The following NEXN variants were observed in gnomAD, a reference collection of about 807,000 sequenced individuals.
NEXN encodes nexilin.
NEXN carries 65 observed loss-of-function variants against 92.6 expected under a neutral mutation model. That is an observed-to-expected ratio of 0.70 (90% CI 0.57 to 0.86). The LOEUF (loss-of-function observed/expected upper bound fraction) is 0.86, where lower values mean the gene tolerates loss of function less well. Among genes scored for constraint, NEXN ranks in the 40% least tolerant of loss-of-function variants. The pLI is 0.00. For missense variants in NEXN, 778 were observed against 771.1 expected (o/e 1.01, Z -0.11); for synonymous variants, 254 against 242.5 (o/e 1.05, Z -0.44).
intron 9 of NEXN, chr1:77,931,629 T>C (rs1030974347): frequency 6.6e-5 from 10 of 152,286 alleles, no homozygotes; most frequent in African/African-American, 2.4e-4. Context: ...TCCTCTTACA[T>C]TTATATTGTT....
chr1:77,927,863 T>A (rs2102128666), intron 8 of NEXN, among the ~76,000 whole-genome samples: 1 of 152,176 alleles, frequency 6.6e-6, no homozygotes, highest in African/African-American at 2.4e-5. Context: ...TCTTAAATGG[T>A]TAAACAAGTT....
At chr1:77,891,437 G>A (rs1186503628) in intron 1 of NEXN, among the ~76,000 whole-genome samples, 1 of 152,070 alleles carries the variant, frequency 6.6e-6, no homozygotes, top group Non-Finnish European at 1.5e-5. Flanking sequence ...CTCAACAGGT[G>A]ATTCTTTTTC....
chr1:77,926,717 A>T lies in NEXN; in HGVS notation c.689A>T (p.Asp230Val). 6.2e-7 allele frequency: 1 copy of T among 1,613,898 alleles called. No individual in the cohort carries two copies. Among genetic ancestry groups the T allele is most frequent in the Non-Finnish European group, 8.5e-7 (1 of 1,179,942 alleles). The change falls in exon 8 of 13, where the codon GAT becomes GTT. Residue 230 changes from aspartate (D) to valine (V), a missense_variant and splice_region_variant. Coordinates refer to ENST00000334785, the MANE Select transcript of NEXN (RefSeq NM_144573.4). ...KEAKCLSLVM[D>V]DEIESEAKKE... Reference sequence around the variant, plus strand: ...TGGGTTTTCATAACGTTTTCTTAGGATGATGAAATAGAAAGTGAAGCAAAA... The same window carrying T: ...TGGGTTTTCATAACGTTTTCTTAGGTTGATGAAATAGAAAGTGAAGCAAAA...
At position 77,934,004 on chromosome 1, in the gene NEXN, A is replaced by AATTTT. The variant is rs1289566597; in HGVS notation, c.1251+525_1251+526insATTTT. The stretch of plus-strand genomic sequence containing the variant: ...GTGCACGCAGCACCATGTCTGGCTA[A>AATTTT]TTTTTAATTTTTTTTTTTTTTTTGA... On this transcript the variant is annotated intron_variant, in intron 10 of 12. Coordinates refer to ENST00000334785, the MANE Select transcript of NEXN (RefSeq NM_144573.4). Among the ~76,000 whole-genome samples, 664 of 83,002 alleles carry AATTTT rather than the reference A, an allele frequency of 8.0e-3. 4 individuals carry two copies. Among genetic ancestry groups the AATTTT allele is most frequent in the African/African-American group, 0.038 (629 of 16,582 alleles). The allele number at this position is 83,002 out of a possible 152,430, so 54.5% of individuals were successfully genotyped here. A position where few individuals can be genotyped will look rare whatever the true frequency, so the allele number is the denominator to read the frequency against.
intron 8 of NEXN, 77 bp from the exon 9 acceptor site, chr1:77,929,239 C>A: frequency 1.9e-6 from 2 of 1,059,350 alleles, no homozygotes; most frequent in Admixed American, 1.8e-5. Flanking sequence ...GTGGCTAATT[C>A]TGTGCCTTTT....
chr1:77,926,447 C>A lies in NEXN; in HGVS notation c.523C>A (p.Pro175Thr). The change falls in exon 7 of 13, where the codon CCT becomes ACT. Residue 175 changes from proline (P) to threonine (T), a missense_variant. Transcript: ENST00000334785. ...GDDSLLITVV[P>T]VKSYKTSGKM... ...TGATTCACTACTTATAACTGTGGTA[C>A]CTGTCAAATCATATAAAACATCTGG... 6.2e-7 allele frequency: 1 copy of A among 1,605,050 alleles called. No individual in the cohort carries two copies. The highest frequency in any genetic ancestry group is 8.5e-7 in the Non-Finnish European group (1 of 1,174,702).
intron 1 of NEXN, among the ~76,000 whole-genome samples, chr1:77,893,171 TA>T (rs1647147289): frequency 6.6e-6 from 1 of 152,062 alleles, no homozygotes; most frequent in Non-Finnish European, 1.5e-5. Flanking sequence ...CTGGCCTCCT[TA>T]AAAATTCTAC....
chr1:77,939,659 T>G (rs1015770861), intron 11 of NEXN, among the ~76,000 whole-genome samples: 1 of 152,238 alleles, frequency 6.6e-6, no homozygotes, highest in African/African-American at 2.4e-5. Context: ...GATGTGGTAT[T>G]AGGACATGGC....
chr1:77,897,074 C>CA (rs1236548989), intron 1 of NEXN, among the ~76,000 whole-genome samples: 1 of 152,074 alleles, frequency 6.6e-6, no homozygotes, highest in African/African-American at 2.4e-5. Context: ...CGAATTCTAC[C>CA]GAGGTACAAA....
intron 11 of NEXN, among the ~76,000 whole-genome samples, chr1:77,939,855 C>T (rs1651106969): frequency 1.3e-5 from 2 of 152,172 alleles, no homozygotes; most frequent in African/African-American, 4.8e-5. Context: ...AGGCGGATCA[C>T]CTGAGGTCAG....
intron 1 of NEXN, among the ~76,000 whole-genome samples, chr1:77,895,337 G>A (rs1014756316): frequency 3.3e-5 from 5 of 151,902 alleles, no homozygotes; most frequent in Admixed American, 6.6e-5. Context: ...GAGCCACCGC[G>A]CCCGGTCACC....
intron 1 of NEXN, among the ~76,000 whole-genome samples, chr1:77,900,214 G>A (rs1337643579): frequency 6.6e-6 from 1 of 152,040 alleles, no homozygotes; most frequent in Non-Finnish European, 1.5e-5. Flanking sequence ...GTTCATTCTG[G>A]TTCTTTTTCC....
At chr1:77,916,570 T>C (rs1207302008) in intron 2 of NEXN, among the ~76,000 whole-genome samples, 3 of 152,168 alleles carry the variant, frequency 2.0e-5, no homozygotes, top group Non-Finnish European at 4.4e-5. Flanking sequence ...TTCTTGACTG[T>C]AGATACTGAG....
At position 77,926,510 on chromosome 1, in the gene NEXN, C is replaced by A. The variant is rs369486891; in HGVS notation, c.586C>A (p.Arg196Ser). 1.2e-6 allele frequency: 2 copies of A among 1,611,666 alleles called. No individual in the cohort carries two copies. The highest frequency in any genetic ancestry group is 1.1e-5 in the South Asian group (1 of 90,520). Residue 196 changes from arginine (R) to serine (S), a missense_variant, in exon 7 of 13, where the codon CGT becomes AGT. By Grantham distance (110) the Arg-to-Ser change is moderately radical. Around this residue, in one of 3 missense-constraint regions of NEXN, gnomAD observed 236 missense variants for 265.6 expected, o/e 0.89. Transcript: ENST00000334785. ...KKNFEDLEKE[R>S]EEKERIKYEE... is the part of the protein sequence containing the mutation. ...GAATTTTGAGGATCTAGAAAAAGAA[C>A]GTGAAGAGAAAGAAAGGATCAAGTA...
At chr1:77,895,223 T>G (rs1408885323) in intron 1 of NEXN, among the ~76,000 whole-genome samples, 1 of 151,490 alleles carries the variant, frequency 6.6e-6, no homozygotes, top group Non-Finnish European at 1.5e-5. Flanking sequence ...TTTTTTGTAT[T>G]TTTAGTAGAG....
intron 1 of NEXN, among the ~76,000 whole-genome samples, chr1:77,910,129 C>G (rs1177364289): frequency 6.6e-6 from 1 of 152,108 alleles, no homozygotes; most frequent in Non-Finnish European, 1.5e-5. Context: ...ACAGAAAAAG[C>G]ATTAGATAAA....
intron 2 of NEXN, among the ~76,000 whole-genome samples, chr1:77,917,002 C>T (rs1048518557): frequency 1.3e-5 from 2 of 152,250 alleles, no homozygotes; most frequent in Non-Finnish European, 2.9e-5. Context: ...TAAATCACAG[C>T]TTGTGCACAC....
chr1:77,891,747 T>TAAAAAAAAAAAAAAAAAAAAAAAAGAA (rs373772489), intron 1 of NEXN, among the ~76,000 whole-genome samples: 1 of 129,034 alleles, frequency 7.7e-6, no homozygotes, highest in Non-Finnish European at 1.6e-5. Flanking sequence ...GGAAAAAAAG[T>TAAAAAAAAAAAAAAAAAAAAAAAAGAA]AAAAAAAAAA....
At chr1:77,920,698 G>T (rs948724816) in intron 5 of NEXN, among the ~76,000 whole-genome samples, 5 of 151,808 alleles carry the variant, frequency 3.3e-5, no homozygotes, top group East Asian at 1.9e-4. Flanking sequence ...GAATCAATTT[G>T]GGGAAGAAAC....
Sources: allele counts gnomAD v4.1 joint callset (sites outside exome capture counted in the v4.1 genomes callset), GRCh38; gene constraint gnomAD v4.1.1; regional missense constraint gnomAD v4.1.1; transcripts MANE v1.5; gene names NCBI Gene and HGNC (gene_info 2026-07-23, HGNC 2026-07-21).